Variants in FBLN2 observed in about 807,000 individuals in gnomAD.
FBLN2 encodes the protein fibulin-2.
In FBLN2, 81 loss-of-function variants were observed where a neutral mutation model predicts 123.7. The observed-to-expected ratio is 0.65, with a 90% CI of 0.55 to 0.79. FBLN2 has a LOEUF of 0.79. Ranked by LOEUF, FBLN2 falls within the 30% of genes least tolerant of loss-of-function variation. The pLI is 0.00. For missense variants in FBLN2, 1,603 were observed against 1,681.3 expected (o/e 0.95, Z 0.81); for synonymous variants, 699 against 701.4 (o/e 1.00, Z 0.05).
chr3:13,612,826 T>C (rs1181819398), intron 4 of FBLN2, among the ~76,000 whole-genome samples: 2 of 152,218 alleles, frequency 1.3e-5, no homozygotes, highest in East Asian at 3.8e-4. Context: ...TGTTCAACAC[T>C]GAGAGATGCA....
chr3:13,578,092 G>A (rs780356488), intron 2 of FBLN2, among the ~76,000 whole-genome samples: 4 of 152,208 alleles, frequency 2.6e-5, no homozygotes, highest in South Asian at 2.1e-4. Context: ...TTTCACAGCC[G>A]GACCCAACCC....
chr3:13,609,684 CG>C, intron 4 of FBLN2, 42 bp downstream of exon 4: 1 of 196,564 alleles, frequency 5.1e-6, no homozygotes, highest in Non-Finnish European at 9.5e-6. Flanking sequence ...TGGGGTGGGG[CG>C]GGGCGGGAGG....
In FBLN2 at chr3:13,631,547, A is replaced by C. The variant is rs554776280; in HGVS notation, c.3214+90A>C. 37 of 1,425,014 alleles carry C rather than the reference A, an allele frequency of 2.6e-5. No homozygotes were observed. In the African/African-American group the frequency reaches 4.7e-4, roughly 18 times the overall value. 88.3% of individuals were successfully genotyped at this position (1,425,014 alleles called of 1,614,324 possible). On this transcript the variant is annotated intron_variant, in intron 16 of 17. Transcript: ENST00000404922. ...AGAAAAGCTCACACAGCTTGCGTGC[A>C]CTTGGAGCCCCCACACCCAGTGAAT...
chr3:13,569,871 C>T (rs544319226), intron 1 of FBLN2, among the ~76,000 whole-genome samples: 4 of 152,108 alleles, frequency 2.6e-5, no homozygotes, highest in South Asian at 2.1e-4. Flanking sequence ...TGTACTGGCA[C>T]GTGGGCATGC....
At position 13,627,818 on chromosome 3, in the gene FBLN2, CCT is replaced by C; in HGVS notation, c.2432-10_2432-9del. On this transcript the variant is annotated splice_polypyrimidine_tract_variant and intron_variant, in intron 10 of 17. Coordinates refer to ENST00000404922, the MANE Select transcript of FBLN2 (RefSeq NM_001004019.2). ...CTGCCCCCCAGCCCTTGACACCCAG[CCT>C]CTCCGCTGCAGACGTGGATGAGTGT... is the stretch of plus-strand genomic sequence containing the variant. The C allele has an allele frequency of 6.2e-7, 1 of 1,609,444 alleles. No individual in the cohort carries two copies. The highest frequency in any genetic ancestry group is 8.5e-7 in the Non-Finnish European group (1 of 1,177,730).
Position 13,592,767 on chromosome 3 carries a change from C to A in FBLN2, c.1307-15295C>A, listed in dbSNP as rs146735275. On this transcript the variant is annotated intron_variant, in intron 2 of 17. Coordinates refer to ENST00000404922, the MANE Select transcript of FBLN2 (RefSeq NM_001004019.2). ...TATTGCAAATTGTATTGATTTTAAC[C>A]CTTTATTTTCTAAGTATTTCTGGCT... Among the ~76,000 whole-genome samples, 533 of 151,996 alleles carry A rather than the reference C, an allele frequency of 3.5e-3. 6 individuals carry two copies. Among genetic ancestry groups the A allele is most frequent in the African/African-American group, 0.012 (508 of 41,446 alleles).
chr3:13,631,303 C>T, intron 15 of FBLN2, 26 bp from the exon 16 acceptor site: 2 of 1,595,108 alleles, frequency 1.3e-6, no homozygotes, highest in Non-Finnish European at 1.7e-6. Flanking sequence ...ACGAGGTTCA[C>T]CAGGGGCTGA....
At chr3:13,581,462 A>G (rs1704325136) in intron 2 of FBLN2, among the ~76,000 whole-genome samples, 1 of 152,128 alleles carries the variant, frequency 6.6e-6, no homozygotes, top group Admixed American at 6.5e-5. Flanking sequence ...GGAATTTATC[A>G]TCTAAGTTAG....
At chr3:13,632,018 C>G (rs923850444) in intron 16 of FBLN2, among the ~76,000 whole-genome samples, 8 of 152,306 alleles carry the variant, frequency 5.3e-5, no homozygotes, top group African/African-American at 1.9e-4. Context: ...TGAGGATGTA[C>G]AAGAGCTGGG....
At position 13,637,657 on chromosome 3, in the gene FBLN2, T is replaced by C; in HGVS notation, c.3434T>C (p.Leu1145Pro). The change falls in exon 18 of 18, where the codon CTG becomes CCG. Residue 1145 changes from leucine (L) to proline (P), a missense_variant. Transcript: ENST00000404922. ...CAGCTCAACTTCCAGACGGGCCTCC[T>C]GGTGCCTGCGCATATCTTCCGCATT... ...HYQLNFQTGL[L>P]VPAHIFRIGP... 1 of 1,613,982 alleles carries C rather than the reference T, an allele frequency of 6.2e-7. No individual in the cohort carries two copies. Among genetic ancestry groups the C allele is most frequent in the East Asian group, 2.2e-5 (1 of 44,878 alleles).
At chr3:13,593,932 C>T (rs1301839278) in intron 2 of FBLN2, among the ~76,000 whole-genome samples, 6 of 152,160 alleles carry the variant, frequency 3.9e-5, no homozygotes, top group East Asian at 3.9e-4. Context: ...CAGTGTACCT[C>T]GTCTTCCTCT....
intron 2 of FBLN2, among the ~76,000 whole-genome samples, chr3:13,599,865 C>T (rs1452655560): frequency 6.8e-6 from 1 of 147,950 alleles, no homozygotes; most frequent in East Asian, 2.0e-4. Flanking sequence ...CAGCTGTGGG[C>T]ATGTGCATGT....
intron 1 of FBLN2, chr3:13,568,925 G>T: frequency 2.0e-6 from 2 of 985,746 alleles, no homozygotes; most frequent in Non-Finnish European, 2.4e-6. Context: ...CAGAGGAGGC[G>T]TTCCTTTAGA....
At position 13,571,389 on chromosome 3, in the gene FBLN2, AAGCCACGTCCCGC is replaced by A; in HGVS notation, c.1038_1050del (p.Thr347LeufsTer6). 4 of 1,613,042 alleles carry A rather than the reference AAGCCACGTCCCGC, an allele frequency of 2.5e-6. No individual in the cohort carries two copies. The highest frequency in any genetic ancestry group is 3.4e-6 in the Non-Finnish European group (4 of 1,179,626). On this transcript the variant is annotated frameshift_variant, in exon 2 of 18. Coordinates refer to ENST00000404922, the MANE Select transcript of FBLN2 (RefSeq NM_001004019.2). LOFTEE classifies it high-confidence loss of function. ...GAAGAGAACCTCATCCTGGATGCCC[AAGCCACGTCCCGC>A]AGCACTGGGCCGGAGGGCGTGACGC...
At chr3:13,636,337 C>T (rs1706466469) in intron 16 of FBLN2, 108 bp from the exon 17 acceptor site, 2 of 1,401,702 alleles carry the variant, frequency 1.4e-6, no homozygotes, top group African/African-American at 1.4e-5. Flanking sequence ...GCGGGCTATT[C>T]TCACAGGTCC....
rs936697680 is a variant in FBLN2, at chr3:13,627,930, A to G, written c.2530A>G (p.Met844Val). Residue 844 changes from methionine (M) to valine (V), a missense_variant, in exon 11 of 18, where the codon ATG becomes GTG. Met to Val is a conservative substitution (Grantham distance 21). Coordinates refer to ENST00000404922, the MANE Select transcript of FBLN2 (RefSeq NM_001004019.2). ...CTACTGCCAGGCCAGGCAGCGCTGC[A>G]TGGATGGCTTCCTGCAGGATCCTGA... ...SFYCQARQRC[M>V]DGFLQDPEGN... The G allele has an allele frequency of 6.2e-6, 10 of 1,613,648 alleles. No homozygotes were observed. The African/African-American group carries it at 1.2e-4, about 19-fold the overall frequency.
intron 5 of FBLN2, among the ~76,000 whole-genome samples, chr3:13,615,581 A>G (rs1487408424): frequency 6.6e-6 from 1 of 152,236 alleles, no homozygotes; most frequent in Non-Finnish European, 1.5e-5. Context: ...GGCATCTGTC[A>G]AATGGTCTTG....
At chr3:13,582,564 G>T (rs979429016) in intron 2 of FBLN2, among the ~76,000 whole-genome samples, 2 of 152,194 alleles carry the variant, frequency 1.3e-5, no homozygotes, top group Non-Finnish European at 2.9e-5. Context: ...GGGAAAGTGG[G>T]CTTGGGGCCA....
chr3:13,555,227 C>T (rs1046411307), intron 1 of FBLN2, among the ~76,000 whole-genome samples: 7 of 152,086 alleles, frequency 4.6e-5, no homozygotes, highest in Non-Finnish European at 8.8e-5. Context: ...GCTGGGATTA[C>T]AGGCGTGAGC....
Sources: allele counts gnomAD v4.1 joint callset (sites outside exome capture counted in the v4.1 genomes callset), GRCh38; gene constraint gnomAD v4.1.1; transcripts MANE v1.5; gene names NCBI Gene and HGNC (gene_info 2026-07-23, HGNC 2026-07-21).